FARS2: variants seen among roughly 807,000 people sequenced by gnomAD.
The protein encoded by FARS2 is phenylalanyl-tRNA synthetase 2, mitochondrial.
Under a neutral mutation model 46.4 loss-of-function variants are expected in FARS2, and 40 were observed. The ratio of observed to expected loss-of-function variants is 0.86; its 90% CI spans 0.67 to 1.12. The LOEUF (loss-of-function observed/expected upper bound fraction) is 1.12. Ranked by LOEUF, FARS2 falls within the 50% of genes most tolerant of loss-of-function variation. The pLI is 0.00. For missense variants in FARS2, 513 were observed against 567.9 expected, an observed-to-expected ratio of 0.90 and a Z score of 0.98; for synonymous variants, 234 against 214.9, an observed-to-expected ratio of 1.09 and a Z score of -0.78.
chr6:5,561,094 G>T (rs1248747524), intron 5 of FARS2, among the ~76,000 whole-genome samples: 2 of 152,156 alleles, frequency 1.3e-5, no homozygotes, highest in African/African-American at 4.8e-5. Context: ...TCATGCCACT[G>T]CACGCCAGCC....
At chr6:5,446,150 C>T (rs1339101775) in intron 4 of FARS2, among the ~76,000 whole-genome samples, 1 of 151,066 alleles carries the variant, frequency 6.6e-6, no homozygotes, top group Non-Finnish European at 1.5e-5. Flanking sequence ...TTGCAGTGAG[C>T]TGAGATCGTG....
At chr6:5,341,774 C>A (rs1771675967) in intron 1 of FARS2, among the ~76,000 whole-genome samples, 1 of 152,132 alleles carries the variant, frequency 6.6e-6, no homozygotes. Flanking sequence ...CCATCTTGGC[C>A]TCCCAAAGTG....
At chr6:5,444,092 C>CGTGTGTGTGTGTGTGTGT (rs35213574) in intron 4 of FARS2, among the ~76,000 whole-genome samples, 13 of 146,206 alleles carry the variant, frequency 8.9e-5, no homozygotes, top group African/African-American at 2.3e-4. Context: ...GGAAGATCCT[C>CGTGTGTGTGTGTGTGTGT]GTGTGTGTGT....
At chr6:5,509,860 C>T (rs1768326373) in intron 4 of FARS2, among the ~76,000 whole-genome samples, 1 of 152,240 alleles carries the variant, frequency 6.6e-6, no homozygotes, top group South Asian at 2.1e-4. Flanking sequence ...TATGCACACT[C>T]CTCTACATGT....
At position 5,565,227 on chromosome 6, in the gene FARS2, T is replaced by C. The variant is rs544395840; in HGVS notation, c.1065+19887T>C. On this transcript the variant is annotated intron_variant, in intron 5 of 6. Coordinates refer to ENST00000274680, the MANE Select transcript of FARS2 (RefSeq NM_006567.5). ...AGTTTAAAATAACTTTCCTTGATGC[T>C]GAAAATCAAAACAAGGATCAGCAGT... Among the ~76,000 whole-genome samples, 9 of 152,348 alleles carry C rather than the reference T, an allele frequency of 5.9e-5. No homozygotes were observed. The South Asian group carries it at 1.9e-3, about 32-fold the overall frequency.
At chr6:5,404,849 G>A in intron 3 of FARS2, 148 bp downstream of exon 3, 1 of 542,602 alleles carries the variant, frequency 1.8e-6, no homozygotes. Context: ...ACCCAGGCTG[G>A]AGTATAGTGG....
intron 5 of FARS2, among the ~76,000 whole-genome samples, chr6:5,607,346 G>A (rs1279748768): frequency 1.3e-5 from 2 of 150,504 alleles, no homozygotes; most frequent in African/African-American, 4.9e-5. Context: ...TTAAAGAAGA[G>A]AAATACAATT....
intron 3 of FARS2, among the ~76,000 whole-genome samples, chr6:5,424,563 T>C (rs927781414): frequency 1.3e-5 from 2 of 152,208 alleles, no homozygotes; most frequent in African/African-American, 4.8e-5. Flanking sequence ...CTGCTTGTTA[T>C]ATAACAAAGG....
intron 1 of FARS2, among the ~76,000 whole-genome samples, chr6:5,283,413 TTGG>T: frequency 1.3e-5 from 2 of 149,706 alleles, no homozygotes; most frequent in Middle Eastern, 3.5e-3. Context: ...GCCAGGCGTC[TTGG>T]TGGGCATCTG....
In FARS2 at chr6:5,369,120, G is replaced by A. The variant is rs554931092; in HGVS notation, c.550G>A (p.Asp184Asn). ...VGDVYRRDQI[D>N]SQHYPIFHQL... ...TGATGTCTACAGGCGTGACCAGATCGACTCCCAGCACTACCCTATTTTCCA... is the reference window on the plus strand; with the variant it reads ...TGATGTCTACAGGCGTGACCAGATCAACTCCCAGCACTACCCTATTTTCCA... Residue 184 changes from aspartate (D) to asparagine (N), a missense_variant, in exon 2 of 7, where the codon GAC becomes AAC. Physicochemically the swap from Asp to Asn is conservative, Grantham distance 23 (BLOSUM62 1). Transcript: ENST00000274680. 152 of 1,613,036 alleles carry A rather than the reference G, an allele frequency of 9.4e-5. No homozygotes were observed. In the Admixed American group the frequency reaches 1.5e-3, roughly 16 times the overall value.
intron 4 of FARS2, among the ~76,000 whole-genome samples, chr6:5,468,708 C>G (rs1410401247): frequency 6.6e-6 from 1 of 152,168 alleles, no homozygotes; most frequent in Non-Finnish European, 1.5e-5. Flanking sequence ...ATTTTGTTTT[C>G]TAACAATTAG....
At chr6:5,648,215 AG>A (rs1777171297) in intron 6 of FARS2, among the ~76,000 whole-genome samples, 1 of 152,214 alleles carries the variant, frequency 6.6e-6, no homozygotes, top group Non-Finnish European at 1.5e-5. Flanking sequence ...AGTTAAACAC[AG>A]TAGCCTCATG....
intron 6 of FARS2, among the ~76,000 whole-genome samples, chr6:5,693,410 C>T (rs1450445210): frequency 1.3e-5 from 2 of 152,190 alleles, no homozygotes; most frequent in African/African-American, 2.4e-5. Context: ...GAGAGATGAA[C>T]GACTGCCTCC....
At chr6:5,318,946 C>G (rs890811793) in intron 1 of FARS2, among the ~76,000 whole-genome samples, 1 of 152,106 alleles carries the variant, frequency 6.6e-6, no homozygotes, top group Admixed American at 6.5e-5. Flanking sequence ...CCCTGCTTCC[C>G]GACCCTATTC....
chr6:5,717,440 G>C (rs975648136), intron 6 of FARS2, among the ~76,000 whole-genome samples: 2 of 150,114 alleles, frequency 1.3e-5, no homozygotes, highest in South Asian at 2.1e-4. Context: ...TGTTGTTTTT[G>C]AAGAAACTGG....
At chr6:5,408,700 C>T (rs145025830) in intron 3 of FARS2, among the ~76,000 whole-genome samples, 8 of 151,924 alleles carry the variant, frequency 5.3e-5, no homozygotes, top group Non-Finnish European at 8.8e-5. Flanking sequence ...TATGAACAAA[C>T]GGAAGAAGGA....
chr6:5,550,058 C>A (rs1050353661), intron 5 of FARS2, among the ~76,000 whole-genome samples: 1 of 152,130 alleles, frequency 6.6e-6, no homozygotes, highest in Non-Finnish European at 1.5e-5. Flanking sequence ...GAGGTACCTA[C>A]TCCCAAAATA....
In FARS2 at chr6:5,368,574, G is replaced by T. The variant is rs759961408; in HGVS notation, c.4G>T (p.Val2Leu). Residue 2 changes from valine (V) to leucine (L), a missense_variant, in exon 2 of 7, where the codon GTG becomes TTG. Coordinates refer to ENST00000274680, the MANE Select transcript of FARS2 (RefSeq NM_006567.5). M[V>L]GSALRRGAHA... is the part of the protein sequence containing the mutation. ...GAACCTGTGAGAAGTTTCTACAATG[G>T]TGGGCTCAGCTCTCAGGAGAGGTGC... The T allele has an allele frequency of 5.0e-6, 8 of 1,605,574 alleles. No homozygotes were observed. Among genetic ancestry groups the T allele is most frequent in the Non-Finnish European group, 6.8e-6 (8 of 1,174,852 alleles).
chr6:5,424,765 A>C (rs927252059), intron 3 of FARS2, among the ~76,000 whole-genome samples: 1 of 152,196 alleles, frequency 6.6e-6, no homozygotes, highest in Admixed American at 6.5e-5. Context: ...CCTTGTGAAC[A>C]TATTTCCTAT....
Sources: gnomAD v4.1 joint callset for allele counts (sites outside exome capture counted in the v4.1 genomes callset) on GRCh38, gnomAD v4.1.1 for gene constraint, MANE v1.5 for transcripts, NCBI Gene and HGNC (gene_info 2026-07-23, HGNC 2026-07-21) for gene names.